RBFOX1: variants seen among roughly 807,000 people sequenced by gnomAD.
The protein encoded by RBFOX1 is RNA binding protein fox-1 homolog 1.
Under a neutral mutation model 57.7 loss-of-function variants are expected in RBFOX1, and 8 were observed. The observed-to-expected ratio is 0.14, with a 90% confidence interval of 0.08 to 0.25. The LOEUF is 0.25. RBFOX1 is among the 10% of genes least tolerant of loss of function. The pLI, the probability that RBFOX1 is intolerant of heterozygous loss-of-function variation, is 1.00. For synonymous variants in RBFOX1, 326 were observed against 222.4 expected (o/e 1.47, Z -4.15); for missense variants, 611 against 548.5 (o/e 1.11, Z -1.14).
intron 3 of RBFOX1, among the ~76,000 whole-genome samples, chr16:5,832,586 T>C (rs1597420967): frequency 6.6e-6 from 1 of 152,226 alleles, no homozygotes; most frequent in African/African-American, 2.4e-5. Context: ...GTTAGGCTTC[T>C]GATTATACTG....
intron 2 of RBFOX1, among the ~76,000 whole-genome samples, chr16:6,647,272 C>A (rs1022071913): frequency 2.6e-5 from 4 of 152,126 alleles, no homozygotes; most frequent in African/African-American, 9.7e-5. Flanking sequence ...GAGATGGAAT[C>A]TTGGTCTGTT....
At chr16:5,757,994 G>GT (rs1268293232) in intron 3 of RBFOX1, among the ~76,000 whole-genome samples, 1 of 152,178 alleles carries the variant, frequency 6.6e-6, no homozygotes, top group East Asian at 1.9e-4. Flanking sequence ...ACCTCTGCCT[G>GT]TGGCACTGAG....
At chr16:6,990,459 A>G (rs1218886237) in intron 3 of RBFOX1, among the ~76,000 whole-genome samples, 1 of 152,086 alleles carries the variant, frequency 6.6e-6, no homozygotes, top group Non-Finnish European at 1.5e-5. Flanking sequence ...TGGGAGTTGG[A>G]GTTTGCAGTG....
At chr16:5,352,286 A>G (rs1005315162) in intron 1 of RBFOX1, among the ~76,000 whole-genome samples, 1 of 152,198 alleles carries the variant, frequency 6.6e-6, no homozygotes, top group Admixed American at 6.5e-5. Context: ...CAAGCTGAGC[A>G]GCTATATCCA....
chr16:6,699,592 G>T (rs1183204461), intron 3 of RBFOX1, among the ~76,000 whole-genome samples: 1 of 152,178 alleles, frequency 6.6e-6, no homozygotes, highest in African/African-American at 2.4e-5. Flanking sequence ...AGACAAATGG[G>T]CTCTTTAAAC....
At chr16:5,512,409 CCTCTCTCTTTCTCT>C (rs1419012445) in intron 2 of RBFOX1, among the ~76,000 whole-genome samples, 2 of 130,956 alleles carry the variant, frequency 1.5e-5, no homozygotes, top group East Asian at 4.0e-4. Flanking sequence ...TCCTCCTACT[CCTCTCTCTTTCTCT>C]CTCTCTCTCT....
intron 3 of RBFOX1, among the ~76,000 whole-genome samples, chr16:5,850,684 G>C (rs549611461): frequency 6.6e-6 from 1 of 152,324 alleles, no homozygotes; most frequent in East Asian, 1.9e-4. Context: ...AGGAAACTGA[G>C]GCTCAGAGAA....
intron 4 of RBFOX1, among the ~76,000 whole-genome samples, chr16:7,233,437 T>C (rs774941832): frequency 6.6e-6 from 1 of 152,246 alleles, no homozygotes; most frequent in South Asian, 2.1e-4. Flanking sequence ...CTTTCTCTTA[T>C]TCATGAAGGC....
chr16:6,919,575 C>G (rs1432873904), intron 3 of RBFOX1, among the ~76,000 whole-genome samples: 1 of 151,980 alleles, frequency 6.6e-6, no homozygotes, highest in Non-Finnish European at 1.5e-5. Context: ...CTTCCTATGG[C>G]TTGAAATTTG....
intron 3 of RBFOX1, among the ~76,000 whole-genome samples, chr16:5,706,935 C>G (rs35163529): frequency 0.2 from 30,734 of 151,816 alleles, 4,317 homozygotes; most frequent in East Asian, 0.63. Context: ...CAGTATCTTA[C>G]CTTCATACAC....
chr16:6,645,787 C>G lies in RBFOX1; in HGVS notation c.-63-8816C>G, dbSNP rs2098529394. 6.6e-5 allele frequency among the ~76,000 whole-genome samples: 10 copies of G among 152,198 alleles called. No individual in the cohort carries two copies. In the South Asian group the frequency reaches 2.1e-3, roughly 32 times the overall value. On this transcript the variant is annotated intron_variant, in intron 2 of 15. Transcript: ENST00000550418. ...CTGATAACTTGCCATATGCTAAGAC[C>G]CTGGCGTGTATTGGATATGCCTAGC...
intron 2 of RBFOX1, among the ~76,000 whole-genome samples, chr16:6,403,320 C>T (rs774516741): frequency 3.9e-5 from 6 of 152,136 alleles, no homozygotes; most frequent in Non-Finnish European, 8.8e-5. Context: ...AGAACCCAAG[C>T]AATAAGGGGT....
intron 3 of RBFOX1, among the ~76,000 whole-genome samples, chr16:7,019,029 GA>G (rs758978332): frequency 2.6e-5 from 4 of 151,964 alleles, no homozygotes; most frequent in Admixed American, 2.0e-4. Context: ...GTTCAGAACT[GA>G]AAAAAACTGT....
intron 4 of RBFOX1, among the ~76,000 whole-genome samples, chr16:7,122,388 G>A (rs952742153): frequency 2.0e-5 from 3 of 152,022 alleles, no homozygotes; most frequent in Non-Finnish European, 4.4e-5. Flanking sequence ...CTTTCTTATT[G>A]GGTCCTGAGT....
intron 1 of RBFOX1, among the ~76,000 whole-genome samples, chr16:6,127,443 G>T (rs537887395): frequency 2.6e-5 from 4 of 152,074 alleles, no homozygotes; most frequent in Non-Finnish European, 4.4e-5. Context: ...AAGCCCTGAC[G>T]TAGGCAAGGC....
chr16:7,490,858 A>G (rs180962636), intron 4 of RBFOX1, among the ~76,000 whole-genome samples: 142 of 152,284 alleles, frequency 9.3e-4, no homozygotes, highest in Middle Eastern at 3.4e-3. Context: ...TTACTCTCTG[A>G]TTCTCATTGT....
At chr16:7,597,710 A>G (rs563258933) in intron 9 of RBFOX1, among the ~76,000 whole-genome samples, 3 of 152,330 alleles carry the variant, frequency 2.0e-5, no homozygotes, top group African/African-American at 4.8e-5. Context: ...TTAGTTTGCT[A>G]ATTTCATTGG....
chr16:6,706,219 C>CA (rs2062718592), intron 3 of RBFOX1, among the ~76,000 whole-genome samples: 1 of 152,174 alleles, frequency 6.6e-6, no homozygotes, highest in East Asian at 1.9e-4. Flanking sequence ...CTTAGGTTCA[C>CA]AACAGCAGTG....
At chr16:6,597,158 A>G (rs1488047271) in intron 2 of RBFOX1, among the ~76,000 whole-genome samples, 25 of 152,206 alleles carry the variant, frequency 1.6e-4, no homozygotes, top group Non-Finnish European at 1.5e-5. Flanking sequence ...AATGAAACCT[A>G]GCAAATTTTA....
Sources: allele counts gnomAD v4.1 joint callset (sites outside exome capture counted in the v4.1 genomes callset), GRCh38; gene constraint gnomAD v4.1.1; transcripts MANE v1.5; gene names NCBI Gene and HGNC (gene_info 2026-07-23, HGNC 2026-07-21).